Variants in TMEM132C observed in about 807,000 individuals in gnomAD.
TMEM132C encodes transmembrane protein 132C, also known as protein phosphatase 1, regulatory subunit 152.
In TMEM132C, 29 loss-of-function variants were observed where a neutral mutation model predicts 61.4. The ratio of observed to expected loss-of-function variants is 0.47; its 90% CI spans 0.35 to 0.64. The LOEUF (loss-of-function observed/expected upper bound fraction) is 0.64, where lower values mean the gene tolerates loss of function less well. Ranked by LOEUF, TMEM132C falls within the 30% of genes least tolerant of loss-of-function variation. The pLI is 0.00. For synonymous variants in TMEM132C, 656 were observed against 633.1 expected, an observed-to-expected ratio of 1.04 and a Z score of -0.54; for missense variants, 1,408 against 1,476.9, an observed-to-expected ratio of 0.95 and a Z score of 0.76.
intron 5 of TMEM132C, among the ~76,000 whole-genome samples, chr12:128,681,756 T>G (rs1954636849): frequency 6.7e-6 from 1 of 149,354 alleles, no homozygotes. Flanking sequence ...CGGGTTCAAG[T>G]GATTCTCCTG....
chr12:128,428,055 T>C lies in TMEM132C; in HGVS notation c.974+12435T>C, dbSNP rs1156294899. Among the ~76,000 whole-genome samples the C allele has an allele frequency of 3.3e-5, 5 of 152,252 alleles. No homozygotes were observed. In the East Asian group the frequency reaches 9.7e-4, roughly 30 times the overall value. ...GGGGGCTGCTGCTTGGGCTATCCTA[T>C]TGGGCTTCCAGACAATCCTATTTGT... On this transcript the variant is annotated intron_variant, in intron 2 of 8. Coordinates refer to ENST00000435159, the MANE Select transcript of TMEM132C (RefSeq NM_001136103.3).
rs1873073483 is a variant in TMEM132C, at chr12:128,526,011, T to A, written c.975-17946T>A. 2.0e-5 allele frequency among the ~76,000 whole-genome samples: 3 copies of A among 152,220 alleles called. No homozygotes were observed. In the South Asian group the frequency reaches 6.2e-4, roughly 31 times the overall value. ...GACATGAATGCCACAGAATGTGCTC[T>A]CTGCAGGAATGTCTCTGGGCCTTAT... On this transcript the variant is annotated intron_variant, in intron 2 of 8. Coordinates refer to ENST00000435159, the MANE Select transcript of TMEM132C (RefSeq NM_001136103.3).
At chr12:128,420,469 G>A (rs1011562168) in intron 2 of TMEM132C, among the ~76,000 whole-genome samples, 2 of 152,182 alleles carry the variant, frequency 1.3e-5, no homozygotes, top group African/African-American at 4.8e-5. Flanking sequence ...GAGAGGTAGG[G>A]GGAGGCGAGC....
chr12:128,287,145 G>A (rs1436574021), intron 1 of TMEM132C, among the ~76,000 whole-genome samples: 2 of 152,148 alleles, frequency 1.3e-5, no homozygotes, highest in Non-Finnish European at 2.9e-5. Flanking sequence ...GTGGGGGAGT[G>A]TCCTGTGCAG....
At position 128,529,893 on chromosome 12, in the gene TMEM132C, A is replaced by G. The variant is rs113506511; in HGVS notation, c.975-14064A>G. On this transcript the variant is annotated intron_variant, in intron 2 of 8. Transcript: ENST00000435159. ...GTTACAGAAAAACAGTATCTTTGAG[A>G]TGATTAGGGAAATGTTTATATTAGA... Among the ~76,000 whole-genome samples, 12 of 152,272 alleles carry G rather than the reference A, an allele frequency of 7.9e-5. 1 individual carries two copies. The highest frequency in any genetic ancestry group is 2.9e-4 in the African/African-American group (12 of 41,552).
chr12:128,651,292 C>G (rs567621948), intron 4 of TMEM132C, among the ~76,000 whole-genome samples: 1 of 152,324 alleles, frequency 6.6e-6, no homozygotes, highest in African/African-American at 2.4e-5. Context: ...CTGCAGTTGT[C>G]TGCAGCCCAA....
At chr12:128,695,802 C>T (rs1234020532) in intron 6 of TMEM132C, 28 bp from the exon 7 acceptor site, 4 of 1,515,934 alleles carry the variant, frequency 2.6e-6, no homozygotes, top group Non-Finnish European at 3.5e-6. Context: ...CTCCCTGGAT[C>T]TGAGAGCTCT....
intron 3 of TMEM132C, among the ~76,000 whole-genome samples, chr12:128,595,689 G>A (rs1875917729): frequency 6.6e-6 from 1 of 152,202 alleles, no homozygotes; most frequent in Non-Finnish European, 1.5e-5. Flanking sequence ...CTCAGGCAGA[G>A]GGGTCAGCCA....
At chr12:128,349,397 A>C (rs1304371137) in intron 1 of TMEM132C, among the ~76,000 whole-genome samples, 1 of 152,158 alleles carries the variant, frequency 6.6e-6, no homozygotes, top group African/African-American at 2.4e-5. Context: ...GGCCCTTGGC[A>C]TGCCACCACT....
rs1183643761 is a variant in TMEM132C at position 128,697,328 on chromosome 12, G to A, written c.2034G>A (p.Leu678=). ...TGGCCATCCAGCTCGTGGCTGGGCT[G>A]TCTGTCGCCCTTTACCCCAACGCAG... is the stretch of plus-strand genomic sequence containing the variant. ...TDLAIQLVAG[L]SVALYPNAEN... Residue 678 remains leucine (L), a synonymous_variant, in exon 8 of 9, where the codon CTG becomes CTA. Coordinates refer to ENST00000435159, the MANE Select transcript of TMEM132C (RefSeq NM_001136103.3). 8 of 1,551,300 alleles carry A rather than the reference G, an allele frequency of 5.2e-6. No individual in the cohort carries two copies. The highest frequency in any genetic ancestry group is 1.4e-5 in the African/African-American group (1 of 73,032).
chr12:128,674,778 C>T (rs771012612), intron 5 of TMEM132C, among the ~76,000 whole-genome samples: 7 of 152,104 alleles, frequency 4.6e-5, no homozygotes, highest in African/African-American at 9.7e-5. Flanking sequence ...AACCATCACC[C>T]GAGCAGTATA....
intron 4 of TMEM132C, among the ~76,000 whole-genome samples, chr12:128,636,224 A>T (rs558782724): frequency 2.6e-5 from 4 of 152,064 alleles, no homozygotes; most frequent in Admixed American, 6.5e-5. Flanking sequence ...CTAATTTTTT[A>T]AAATTTTTTT....
At chr12:128,301,877 G>A (rs999607111) in intron 1 of TMEM132C, among the ~76,000 whole-genome samples, 5 of 152,192 alleles carry the variant, frequency 3.3e-5, no homozygotes, top group African/African-American at 7.2e-5. Context: ...CAATCATGGC[G>A]GAAGGCAAAA....
intron 4 of TMEM132C, among the ~76,000 whole-genome samples, chr12:128,635,462 CTTT>C (rs372811916): frequency 2.3e-5 from 3 of 130,420 alleles, no homozygotes; most frequent in Non-Finnish European, 1.7e-5. Context: ...TGAGTTTTTT[CTTT>C]TTTTTTTTTT....
chr12:128,572,202 C>A (rs1051729184), intron 3 of TMEM132C, among the ~76,000 whole-genome samples: 2 of 151,602 alleles, frequency 1.3e-5, no homozygotes, highest in Admixed American at 1.3e-4. Context: ...CACTGTGCCA[C>A]ACTGCTGGCC....
chr12:128,268,260 G>C (rs1870383197), intron 1 of TMEM132C, among the ~76,000 whole-genome samples: 1 of 152,218 alleles, frequency 6.6e-6, no homozygotes, highest in Admixed American at 6.5e-5. Flanking sequence ...GAATTTAAAG[G>C]AGTTAACGTA....
At chr12:128,275,539 G>C (rs1407964400) in intron 1 of TMEM132C, among the ~76,000 whole-genome samples, 1 of 152,100 alleles carries the variant, frequency 6.6e-6, no homozygotes, top group Non-Finnish European at 1.5e-5. Flanking sequence ...TTATTATATA[G>C]TACAGTGTAA....
At position 128,553,629 on chromosome 12, in the gene TMEM132C, C is replaced by T. The variant is rs187551200; in HGVS notation, c.1121+9526C>T. ...GGGCACCTGGGTTGTTTGTTCTCAGCGTTTTAGTATAAATAAACCAGTGGC... is the reference window on the plus strand; with the variant it reads ...GGGCACCTGGGTTGTTTGTTCTCAGTGTTTTAGTATAAATAAACCAGTGGC... On this transcript the variant is annotated intron_variant, in intron 3 of 8. Coordinates refer to ENST00000435159, the MANE Select transcript of TMEM132C (RefSeq NM_001136103.3). 3.4e-3 allele frequency among the ~76,000 whole-genome samples: 523 copies of T among 152,280 alleles called. 5 individuals carry two copies. The highest frequency in any genetic ancestry group is 1.5e-3 in the Non-Finnish European group (102 of 68,026).
chr12:128,271,790 G>A (rs139211888), intron 1 of TMEM132C, among the ~76,000 whole-genome samples: 1 of 152,336 alleles, frequency 6.6e-6, no homozygotes, highest in East Asian at 1.9e-4. Context: ...CAGTCATGCA[G>A]AGAAGAGCTC....
Sources: allele counts gnomAD v4.1 joint callset (sites outside exome capture counted in the v4.1 genomes callset), GRCh38; gene constraint gnomAD v4.1.1; transcripts MANE v1.5; gene names NCBI Gene and HGNC (gene_info 2026-07-23, HGNC 2026-07-21).